Variants in FLRT1 observed in about 807,000 individuals in gnomAD.
The protein encoded by FLRT1 is fibronectin leucine rich transmembrane protein 1.
In FLRT1, 14 loss-of-function variants were observed where a neutral mutation model predicts 30.9. That is an observed-to-expected ratio of 0.45 (90% confidence interval 0.30 to 0.71). The LOEUF (loss-of-function observed/expected upper bound fraction) is 0.71. FLRT1 is among the 30% of genes least tolerant of loss of function. FLRT1 has a pLI of 0.08. For synonymous variants in FLRT1, 368 were observed against 430.4 expected (o/e 0.85, Z 1.80); for missense variants, 737 against 949.2 (o/e 0.78, Z 2.94).
intron 1 of FLRT1, among the ~76,000 whole-genome samples, chr11:64,071,575 AGTTT>A (rs2134463274): frequency 1.3e-5 from 2 of 152,092 alleles, no homozygotes; most frequent in Non-Finnish European, 2.9e-5. Flanking sequence ...CTTGCCCCTT[AGTTT>A]CCTTCCCCAA....
At chr11:64,046,456 A>G (rs1943585571) in intron 1 of FLRT1, among the ~76,000 whole-genome samples, 1 of 152,064 alleles carries the variant, frequency 6.6e-6, no homozygotes, top group South Asian at 2.1e-4. Context: ...GCTGGGTCCT[A>G]CCCTTGCCCT....
chr11:64,038,616 C>A (rs1411566729), intron 1 of FLRT1, among the ~76,000 whole-genome samples: 1 of 152,198 alleles, frequency 6.6e-6, no homozygotes, highest in Non-Finnish European at 1.5e-5. Flanking sequence ...AGTCATGGGG[C>A]TAGCAGCCCC....
At chr11:64,110,966 G>A (rs919308353) in intron 2 of FLRT1, among the ~76,000 whole-genome samples, 7 of 152,220 alleles carry the variant, frequency 4.6e-5, no homozygotes, top group South Asian at 4.1e-4. Context: ...GGAGGGGGGC[G>A]GCAGGGGAGC....
chr11:64,075,244 G>A (rs1449708977), intron 1 of FLRT1, among the ~76,000 whole-genome samples: 2 of 152,238 alleles, frequency 1.3e-5, no homozygotes, highest in Non-Finnish European at 2.9e-5. Context: ...AGGGACTCCT[G>A]GACCATGTCT....
At chr11:64,115,310 C>T (rs760455111) in intron 2 of FLRT1, among the ~76,000 whole-genome samples, 9 of 152,216 alleles carry the variant, frequency 5.9e-5, no homozygotes, top group Middle Eastern at 3.4e-3. Context: ...CAGCCAATTC[C>T]CTCAGAGTAC....
chr11:64,103,427 C>T lies in FLRT1; in HGVS notation c.-804C>T, dbSNP rs1042441475. The T allele has an allele frequency of 1.3e-5, 2 of 152,206 alleles. No individual in the cohort carries two copies. The highest frequency in any genetic ancestry group is 2.9e-5 in the Non-Finnish European group (2 of 68,098). The allele number at this position is 152,206 out of a possible 1,614,324, so 9.4% of individuals were successfully genotyped here. A position where few individuals can be genotyped will look rare whatever the true frequency, so the allele number is the denominator to read the frequency against. On this transcript the variant is annotated 5_prime_UTR_variant, in exon 2 of 3. Coordinates refer to ENST00000682287, the MANE Select transcript of FLRT1 (RefSeq NM_013280.5). ...GCAGCTCCAGCCCCACCATGAACAT[C>T]TGAACTCCTCAGCGGGGTAATGGAC... is the stretch of plus-strand genomic sequence containing the variant.
chr11:64,110,739 C>G (rs551969665), intron 2 of FLRT1, among the ~76,000 whole-genome samples: 3 of 152,296 alleles, frequency 2.0e-5, no homozygotes, highest in East Asian at 1.9e-4. Context: ...GAGGGATCCA[C>G]GCAAGGGCGA....
rs563290570 is a variant in FLRT1, at chr11:64,067,643, A to G, written c.-1038+31484A>G. ...TGCCCGTGGCCTCCGGTGCACACAC[A>G]GGGTCCCCAAGCAGGCAGCTGGAGG... On this transcript the variant is annotated intron_variant, in intron 1 of 2. Coordinates refer to ENST00000682287, the MANE Select transcript of FLRT1 (RefSeq NM_013280.5). The surrounding 1 kb of genome is among the most constrained non-coding windows in gnomAD (Gnocchi z 4.6). Among the ~76,000 whole-genome samples the G allele has an allele frequency of 6.6e-6, 1 of 152,214 alleles. No individual in the cohort carries two copies. The highest frequency in any genetic ancestry group is 2.1e-4 in the South Asian group (1 of 4,822).
intron 1 of FLRT1, among the ~76,000 whole-genome samples, chr11:64,086,555 G>A (rs1371356228): frequency 2.0e-5 from 3 of 152,104 alleles, no homozygotes; most frequent in African/African-American, 7.2e-5. Context: ...CAGCCACAAA[G>A]CCAGCCTTCC....
At chr11:64,106,561 C>CCTGCAGGCCCTT (rs1294251722) in intron 2 of FLRT1, among the ~76,000 whole-genome samples, 3 of 152,186 alleles carry the variant, frequency 2.0e-5, no homozygotes, top group African/African-American at 4.8e-5. Flanking sequence ...CTGCCTCCTG[C>CCTGCAGGCCCTT]CTTGTCAGGG....
chr11:64,062,847 G>T (rs12292011), intron 1 of FLRT1, among the ~76,000 whole-genome samples: 1,598 of 152,260 alleles, frequency 0.01, 32 homozygotes, highest in African/African-American at 0.036. Flanking sequence ...CTCAGCAGGG[G>T]CACCTCCACC....
intron 1 of FLRT1, among the ~76,000 whole-genome samples, chr11:64,083,598 G>C (rs1447882106): frequency 6.6e-6 from 1 of 152,198 alleles, no homozygotes; most frequent in Non-Finnish European, 1.5e-5. Flanking sequence ...TTTCGAGAAC[G>C]AGCCGGGAAT....
At chr11:64,079,152 T>C (rs1051401170) in intron 1 of FLRT1, among the ~76,000 whole-genome samples, 9 of 151,926 alleles carry the variant, frequency 5.9e-5, no homozygotes, top group African/African-American at 1.7e-4. Context: ...GTTGGATTCA[T>C]TGGATTTGGA....
At chr11:64,050,619 C>T (rs1009699991) in intron 1 of FLRT1, among the ~76,000 whole-genome samples, 3 of 152,178 alleles carry the variant, frequency 2.0e-5, no homozygotes, top group African/African-American at 7.2e-5. Context: ...TGACCATGAC[C>T]CAGCAGTGAC....
At chr11:64,066,072 G>T (rs1462959257) in intron 1 of FLRT1, among the ~76,000 whole-genome samples, 1 of 152,020 alleles carries the variant, frequency 6.6e-6, no homozygotes, top group African/African-American at 2.4e-5. Context: ...TGAGGTGGGC[G>T]GATCACCTGA....
In FLRT1 at chr11:64,064,951, G is replaced by C. The variant is rs1943969763; in HGVS notation, c.-1038+28792G>C. Reference sequence around the variant, plus strand: ...GCAGGAGGGCCACCATGGTGACTGAGACAGACTCAGGGTCTTTCCCTACAC... The same window carrying C: ...GCAGGAGGGCCACCATGGTGACTGACACAGACTCAGGGTCTTTCCCTACAC... On this transcript the variant is annotated intron_variant, in intron 1 of 2. Coordinates refer to ENST00000682287, the MANE Select transcript of FLRT1 (RefSeq NM_013280.5). This position sits in a 1 kb window ranked among gnomAD's most constrained non-coding sequence, Gnocchi z 4.5. 6.6e-6 allele frequency among the ~76,000 whole-genome samples: 1 copy of C among 151,518 alleles called. No individual in the cohort carries two copies. Among genetic ancestry groups the C allele is most frequent in the Non-Finnish European group, 1.5e-5 (1 of 67,884 alleles).
At position 64,117,996 on chromosome 11, in the gene FLRT1, G is replaced by C. The variant is rs140274429; in HGVS notation, c.1729G>C (p.Val577Leu). ...FLVLGAICWYVHQAGELLTRE... is the reference protein window; with the variant it reads ...FLVLGAICWYLHQAGELLTRE... ...GGTCCTGGGGGCCATCTGCTGGTAC[G>C]TGCACCAGGCTGGCGAGCTGCTGAC... The change falls in exon 3 of 3, where the codon GTG (valine) becomes CTG (leucine). Residue 577 changes from valine to leucine, a missense_variant. Physicochemically the swap from Val to Leu is conservative, Grantham distance 32. Transcript: ENST00000682287. The C allele has an allele frequency of 1.4e-5, 22 of 1,613,668 alleles. No homozygotes were observed. Among genetic ancestry groups the C allele is most frequent in the Non-Finnish European group, 1.7e-5 (20 of 1,179,998 alleles).
chr11:64,046,297 A>G (rs899290093), intron 1 of FLRT1, among the ~76,000 whole-genome samples: 6 of 152,168 alleles, frequency 3.9e-5, no homozygotes, highest in Non-Finnish European at 7.4e-5. Context: ...TCTAGTAGCA[A>G]ACTTAGTTGC....
In FLRT1 at chr11:64,108,434, G is replaced by A. The variant is rs191850657; in HGVS notation, c.-50+4253G>A. On this transcript the variant is annotated intron_variant, in intron 2 of 2. Coordinates refer to ENST00000682287, the MANE Select transcript of FLRT1 (RefSeq NM_013280.5). ...AGGAAAGGGGCTTCCTGGCGAGAAG[G>A]AGGGGAGCTCTCCCTGGGTCTCCCT... is the stretch of plus-strand genomic sequence containing the variant. 3.6e-3 allele frequency among the ~76,000 whole-genome samples: 552 copies of A among 152,322 alleles called. 15 individuals carry two copies. The highest frequency in any genetic ancestry group is 0.034 in the Admixed American group (526 of 15,302).
Sources: gnomAD v4.1 joint callset for allele counts (sites outside exome capture counted in the v4.1 genomes callset) on GRCh38, gnomAD v4.1.1 for gene constraint, Gnocchi (gnomAD v3.1) non-coding constraint, MANE v1.5 for transcripts, NCBI Gene and HGNC (gene_info 2026-07-23, HGNC 2026-07-21) for gene names.